Variants in CLIP3 observed in about 807,000 individuals in gnomAD.
The protein encoded by CLIP3 is CAP-Gly domain-containing linker protein 3.
CLIP3 carries 15 observed loss-of-function variants against 59.4 expected under a neutral mutation model. The observed-to-expected ratio is 0.25, with a 90% CI of 0.17 to 0.39. The LOEUF (loss-of-function observed/expected upper bound fraction) is 0.39, where lower values mean the gene tolerates loss of function less well. Ranked by LOEUF, CLIP3 falls within the 10% of genes least tolerant of loss-of-function variation. The pLI is 1.00. For synonymous variants in CLIP3, 300 were observed against 321.6 expected, an observed-to-expected ratio of 0.93 and a Z score of 0.72; for missense variants, 495 against 765.7, an observed-to-expected ratio of 0.65 and a Z score of 4.17.
intron 7 of CLIP3, among the ~76,000 whole-genome samples, chr19:36,020,845 C>T (rs1414671756): frequency 6.6e-6 from 1 of 151,940 alleles, no homozygotes; most frequent in Non-Finnish European, 1.5e-5. Flanking sequence ...AGCAAGTATT[C>T]GTTATTGAAA....
intron 7 of CLIP3, among the ~76,000 whole-genome samples, chr19:36,019,599 T>TTTA (rs376243517): frequency 0.19 from 23,909 of 125,958 alleles, 1,925 homozygotes; most frequent in Middle Eastern, 0.28. Context: ...TATTTATTTA[T>TTTA]TTTATTTATT....
In CLIP3 at chr19:36,016,813, C is replaced by T; in HGVS notation, c.1589+94G>A. The T allele has an allele frequency of 7.4e-7, 1 of 1,342,772 alleles. No homozygotes were observed. The allele number at this position is 1,342,772 out of a possible 1,614,324, so 83.2% of individuals were successfully genotyped here. The stretch of plus-strand genomic sequence containing the variant: ...AGTTTTCCTAACCTCTCTTTCCAGC[C>T]CTGACCAGAGCTCCAGACCTCTGGG... On this transcript the variant is annotated intron_variant, in intron 13 of 13. Coordinates refer to ENST00000360535, the MANE Select transcript of CLIP3 (RefSeq NM_015526.3). The surrounding 1 kb of genome is among the most constrained non-coding windows in gnomAD (Gnocchi z 4.1).
Position 36,019,598 on chromosome 19 carries a change from A to ATTTTTTTTTTT in CLIP3, c.919-293_919-292insAAAAAAAAAAA, listed in dbSNP as rs200645934. Among the ~76,000 whole-genome samples the ATTTTTTTTTTT allele has an allele frequency of 1.5e-4, 15 of 99,420 alleles. 1 individual carries two copies. The highest frequency in any genetic ancestry group is 8.5e-4 in the South Asian group (3 of 3,538). 65.2% of individuals were successfully genotyped at this position (99,420 alleles called of 152,430 possible). A position where few individuals can be genotyped will look rare whatever the true frequency, so the allele number is the denominator to read the frequency against. On this transcript the variant is annotated intron_variant, in intron 7 of 13. Transcript: ENST00000360535. ...ACAATGTAAATTTATTTATTTATTT[A>ATTTTTTTTTTT]TTTTATTTATTTTTTTTTTTTTCGA... is the stretch of plus-strand genomic sequence containing the variant.
In CLIP3 at chr19:36,016,775, C is replaced by G. The variant is rs1267103242; in HGVS notation, c.1589+132G>C. ...ACCCTAAAGACTGTTTCTGGGTATG[C>G]TTACAAGTCACAAGTTTTCCTAACC... On this transcript the variant is annotated intron_variant, in intron 13 of 13. Coordinates refer to ENST00000360535, the MANE Select transcript of CLIP3 (RefSeq NM_015526.3). The surrounding 1 kb of genome is among the most constrained non-coding windows in gnomAD (Gnocchi z 4.1). 6.6e-6 allele frequency: 6 copies of G among 914,726 alleles called. No homozygotes were observed. The highest frequency in any genetic ancestry group is 8.6e-6 in the Non-Finnish European group (5 of 581,192). 56.7% of individuals were successfully genotyped at this position (914,726 alleles called of 1,614,324 possible).
At position 36,026,334 on chromosome 19, in the gene CLIP3, G is replaced by T; in HGVS notation, c.563-69C>A. ...GACCCCAGCCCTCCTCCCACCTCGG[G>T]GCTCATCTCTTAACTTGCAGGTCCC... On this transcript the variant is annotated intron_variant, in intron 5 of 13. Coordinates refer to ENST00000360535, the MANE Select transcript of CLIP3 (RefSeq NM_015526.3). The surrounding 1 kb of genome is among the most constrained non-coding windows in gnomAD (Gnocchi z 6.3). 7.2e-7 allele frequency: 1 copy of T among 1,383,052 alleles called. No individual in the cohort carries two copies. The highest frequency in any genetic ancestry group is 1.0e-6 in the Non-Finnish European group (1 of 978,708). 85.7% of individuals were successfully genotyped at this position (1,383,052 alleles called of 1,614,324 possible). A position where few individuals can be genotyped will look rare whatever the true frequency, so the allele number is the denominator to read the frequency against.
At chr19:36,019,759 C>T (rs920080027) in intron 7 of CLIP3, among the ~76,000 whole-genome samples, 9 of 151,836 alleles carry the variant, frequency 5.9e-5, no homozygotes, top group Admixed American at 2.6e-4. Context: ...CATGCCACCA[C>T]GCCTGGCTAA....
rs1177743108 is a variant in CLIP3, at chr19:36,024,416, C to T, written c.898G>A (p.Val300Met). 8 of 1,613,830 alleles carry T rather than the reference C, an allele frequency of 5.0e-6. No individual in the cohort carries two copies. Among genetic ancestry groups the T allele is most frequent in the Admixed American group, 3.3e-5 (2 of 60,008 alleles). ...SALGLRLGDR[V>M]LLDGQKTGTL... ...CTGACCTTCTGGCCATCCAGCAGCA[C>T]GCGGTCTCCCAGGCGCAAGCCCAGT... The change falls in exon 7 of 14, where the codon GTG becomes ATG. Residue 300 changes from valine to methionine, a missense_variant. Coordinates refer to ENST00000360535, the MANE Select transcript of CLIP3 (RefSeq NM_015526.3).
Position 36,032,277 on chromosome 19 carries a change from G to A in CLIP3, c.81C>T (p.Val27=), listed in dbSNP as rs1969286234. Reference sequence around the variant, plus strand: ...CCTGGGTGGGGCTGGGGGCCTCGGGGACGGGTTCATCCTCCTCCTCCTCTT... The same window carrying A: ...CCTGGGTGGGGCTGGGGGCCTCGGGAACGGGTTCATCCTCCTCCTCCTCTT... ...EEEEEEEDEP[V]PEAPSPTQER... Residue 27 remains valine (V), a synonymous_variant, in exon 2 of 14, where the codon GTC becomes GTT. Coordinates refer to ENST00000360535, the MANE Select transcript of CLIP3 (RefSeq NM_015526.3). The surrounding 1 kb of genome is among the most constrained non-coding windows in gnomAD (Gnocchi z 4.3). The A allele has an allele frequency of 7.7e-7, 1 of 1,299,068 alleles. No homozygotes were observed. The highest frequency in any genetic ancestry group is 3.7e-5 in the Admixed American group (1 of 26,870). The allele number at this position is 1,299,068 out of a possible 1,614,324, so 80.5% of individuals were successfully genotyped here. A position where few individuals can be genotyped will look rare whatever the true frequency, so the allele number is the denominator to read the frequency against.
chr19:36,019,452 C>G (rs1968894615), intron 7 of CLIP3, 146 bp from the exon 8 acceptor site: 2 of 938,228 alleles, frequency 2.1e-6, no homozygotes, highest in Non-Finnish European at 3.3e-6. Context: ...GGCTACATGA[C>G]TTAACCTCTG....
intron 7 of CLIP3, among the ~76,000 whole-genome samples, chr19:36,021,886 A>AT (rs1369484218): frequency 1.3e-4 from 19 of 150,102 alleles, no homozygotes; most frequent in Non-Finnish European, 1.9e-4. Flanking sequence ...TTATTTATTT[A>AT]TTTTTTTTTG....
chr19:36,023,060 A>G (rs1968995723), intron 7 of CLIP3, among the ~76,000 whole-genome samples: 1 of 152,034 alleles, frequency 6.6e-6, no homozygotes, highest in Non-Finnish European at 1.5e-5. Context: ...ATCTCAAAAT[A>G]ATAATAATAA....
intron 2 of CLIP3, among the ~76,000 whole-genome samples, chr19:36,028,231 G>A (rs1016303938): frequency 1.2e-4 from 18 of 151,856 alleles, no homozygotes; most frequent in Middle Eastern, 3.4e-3. Context: ...CCAGCTGCTC[G>A]GGAGGCTGAG....
At chr19:36,020,740 A>T (rs1392619648) in intron 7 of CLIP3, among the ~76,000 whole-genome samples, 1 of 152,262 alleles carries the variant, frequency 6.6e-6, no homozygotes, top group African/African-American at 2.4e-5. Flanking sequence ...CAGCACAGAC[A>T]GAATATTTCC....
Position 36,027,264 on chromosome 19 carries a change from G to A in CLIP3, c.174C>T (p.Thr58=). 4 of 1,601,340 alleles carry A rather than the reference G, an allele frequency of 2.5e-6. No individual in the cohort carries two copies. Among genetic ancestry groups the A allele is most frequent in the South Asian group, 1.1e-5 (1 of 88,446 alleles). ...PAPLPKDYAF[T]FFDPNDPACQ... ...ACGCCGGGTCATTGGGATCGAAGAA[G>A]GTGAAAGCTGGGGTGGCAAGAGGTC... Residue 58 remains threonine, a synonymous_variant, in exon 3 of 14, where the codon ACC becomes ACT. Transcript: ENST00000360535.
chr19:36,029,821 T>C (rs1000105680), intron 2 of CLIP3, among the ~76,000 whole-genome samples: 2 of 152,132 alleles, frequency 1.3e-5, no homozygotes, highest in Non-Finnish European at 2.9e-5. Context: ...TGATTTCCTC[T>C]TGGAGTCCAC....
Position 36,016,082 on chromosome 19 carries a change from CAG to C in CLIP3, c.*74_*75del, listed in dbSNP as rs1968789575. The C allele has an allele frequency of 2.0e-6, 3 of 1,503,294 alleles. No homozygotes were observed. Among genetic ancestry groups the C allele is most frequent in the Middle Eastern group, 3.4e-4 (2 of 5,862 alleles). The allele number at this position is 1,503,294 out of a possible 1,614,324, so 93.1% of individuals were successfully genotyped here. Reference sequence around the variant, plus strand: ...GATGTGTTACTGGGAATCTCTATCTCAGGGTGACTCAGGGCTCCTCGGGTGTC... The same window carrying C: ...GATGTGTTACTGGGAATCTCTATCTCGGTGACTCAGGGCTCCTCGGGTGTC... On this transcript the variant is annotated 3_prime_UTR_variant, in exon 14 of 14. Transcript: ENST00000360535. This position sits in a 1 kb window ranked among gnomAD's most constrained non-coding sequence, Gnocchi z 4.1.
intron 2 of CLIP3, among the ~76,000 whole-genome samples, chr19:36,027,583 G>A (rs1350125717): frequency 6.6e-6 from 1 of 152,206 alleles, no homozygotes; most frequent in African/African-American, 2.4e-5. Flanking sequence ...CTTGGAGTCT[G>A]CATGTCCAGG....
intron 11 of CLIP3, 55 bp downstream of exon 11, chr19:36,017,600 G>A: frequency 1.2e-6 from 2 of 1,610,624 alleles, no homozygotes. Flanking sequence ...GCCATCTGAG[G>A]GGGGATCAGG....
chr19:36,017,522 G>T, intron 11 of CLIP3, 72 bp from the exon 12 acceptor site: 3 of 1,603,880 alleles, frequency 1.9e-6, no homozygotes, highest in Non-Finnish European at 2.6e-6. Flanking sequence ...CTGGGCCCCA[G>T]GGATCTATGA....
Sources: gnomAD v4.1 joint callset for allele counts (sites outside exome capture counted in the v4.1 genomes callset) on GRCh38, gnomAD v4.1.1 for gene constraint, Gnocchi (gnomAD v3.1) non-coding constraint, MANE v1.5 for transcripts, NCBI Gene and HGNC (gene_info 2026-07-23, HGNC 2026-07-21) for gene names.